The following CNTNAP2 variants were observed in gnomAD, a reference collection of about 807,000 sequenced individuals.
CNTNAP2 encodes contactin associated protein 2, also known as contactin-associated protein-like 2.
CNTNAP2 carries 98 observed loss-of-function variants against 155.2 expected under a neutral mutation model. That is an observed-to-expected ratio of 0.63 (90% CI 0.54 to 0.75). CNTNAP2 has a LOEUF of 0.75. Among genes scored for constraint, CNTNAP2 ranks in the 30% least tolerant of loss-of-function variants. The probability of loss-of-function intolerance (pLI) is 0.00; values close to 1 mark genes in which losing one functional copy is unlikely to be tolerated. For missense variants in CNTNAP2, 1,727 were observed against 1,688.1 expected, an observed-to-expected ratio of 1.02 and a Z score of -0.40; for synonymous variants, 651 against 631.2, an observed-to-expected ratio of 1.03 and a Z score of -0.47.
intron 13 of CNTNAP2, among the ~76,000 whole-genome samples, chr7:147,706,483 T>C (rs1796318789): frequency 6.6e-6 from 1 of 152,160 alleles, no homozygotes; most frequent in Non-Finnish European, 1.5e-5. Context: ...AGGTTTCTGC[T>C]GAGAGATTCA....
intron 3 of CNTNAP2, among the ~76,000 whole-genome samples, chr7:147,008,231 C>T (rs549466335): frequency 1.3e-5 from 2 of 152,070 alleles, no homozygotes; most frequent in African/African-American, 4.8e-5. Flanking sequence ...ATTGAATGAC[C>T]TACTCAAGGA....
intron 12 of CNTNAP2, among the ~76,000 whole-genome samples, chr7:147,608,717 G>T (rs568081209): frequency 1.3e-5 from 2 of 152,206 alleles, no homozygotes; most frequent in Non-Finnish European, 2.9e-5. Flanking sequence ...ACTGTCACGC[G>T]TGTCTGTGTG....
At chr7:146,199,690 A>G (rs534955950) in intron 1 of CNTNAP2, among the ~76,000 whole-genome samples, 2 of 152,318 alleles carry the variant, frequency 1.3e-5, no homozygotes, top group African/African-American at 4.8e-5. Flanking sequence ...CCACCTTTTA[A>G]AGGGTGTCGA....
chr7:146,756,384 A>G (rs1042546273), intron 1 of CNTNAP2, among the ~76,000 whole-genome samples: 1 of 151,978 alleles, frequency 6.6e-6, no homozygotes, highest in Admixed American at 6.6e-5. Context: ...GCTTGATAAC[A>G]TTATCTTCTG....
At chr7:146,247,142 T>A (rs1243180599) in intron 1 of CNTNAP2, among the ~76,000 whole-genome samples, 5 of 152,136 alleles carry the variant, frequency 3.3e-5, no homozygotes, top group Admixed American at 6.5e-5. Context: ...CTGTAAAGTG[T>A]CTCAGGGTTG....
intron 13 of CNTNAP2, among the ~76,000 whole-genome samples, chr7:147,746,510 C>T (rs915857516): frequency 6.6e-6 from 1 of 152,114 alleles, no homozygotes; most frequent in African/African-American, 2.4e-5. Context: ...TCCCTACCTG[C>T]TACCTTTCTC....
chr7:146,947,398 CTCTCTCTCTCTCTATA>C (rs1313337155), intron 3 of CNTNAP2, among the ~76,000 whole-genome samples: 5 of 130,532 alleles, frequency 3.8e-5, no homozygotes, highest in African/African-American at 1.2e-4. Context: ...CTCTCTCTCT[CTCTCTCTCTCTCTATA>C]TATATATATA....
intron 3 of CNTNAP2, among the ~76,000 whole-genome samples, chr7:146,889,038 G>A (rs1795728147): frequency 6.6e-6 from 1 of 151,816 alleles, no homozygotes; most frequent in African/African-American, 2.4e-5. Flanking sequence ...ATAATAGAGT[G>A]GGAGGAAACA....
chr7:146,553,967 A>C (rs1037982118), intron 1 of CNTNAP2, among the ~76,000 whole-genome samples: 9 of 152,156 alleles, frequency 5.9e-5, no homozygotes, highest in African/African-American at 2.2e-4. Context: ...TTTGGTTGAA[A>C]TAAATACTTG....
intron 1 of CNTNAP2, among the ~76,000 whole-genome samples, chr7:146,190,632 A>G (rs1237751444): frequency 6.6e-6 from 1 of 152,222 alleles, no homozygotes; most frequent in African/African-American, 2.4e-5. Context: ...TTTGGTAAAG[A>G]AACACATAAG....
intron 8 of CNTNAP2, among the ~76,000 whole-genome samples, chr7:147,147,971 C>G (rs1456769264): frequency 1.3e-5 from 2 of 152,156 alleles, no homozygotes; most frequent in Admixed American, 1.3e-4. Context: ...CAGAGTCTTT[C>G]ATTTTGGGTA....
intron 13 of CNTNAP2, among the ~76,000 whole-genome samples, chr7:147,840,952 A>G (rs756584947): frequency 1.3e-5 from 2 of 152,206 alleles, no homozygotes; most frequent in Non-Finnish European, 2.9e-5. Context: ...TTGGTTAAGC[A>G]TAATCTAGGT....
intron 1 of CNTNAP2, among the ~76,000 whole-genome samples, chr7:146,164,400 G>A (rs1798280061): frequency 1.3e-5 from 2 of 152,154 alleles, no homozygotes; most frequent in African/African-American, 4.8e-5. Context: ...AGGGAAGGCA[G>A]TGTGTATTTA....
intron 11 of CNTNAP2, among the ~76,000 whole-genome samples, chr7:147,494,519 T>G (rs1274808747): frequency 6.9e-6 from 1 of 145,832 alleles, no homozygotes; most frequent in Non-Finnish European, 1.5e-5. Flanking sequence ...AAAAGCAGTG[T>G]GCTGTAAAGA....
At chr7:147,627,890 T>G (rs77151866) in intron 12 of CNTNAP2, among the ~76,000 whole-genome samples, 3,175 of 149,386 alleles carry the variant, frequency 0.021, 233 homozygotes, top group Admixed American at 0.15. Flanking sequence ...ATTTTGGAGC[T>G]CAAAGACAAG....
chr7:146,251,124 CAG>C (rs1799749703), intron 1 of CNTNAP2, among the ~76,000 whole-genome samples: 1 of 152,014 alleles, frequency 6.6e-6, no homozygotes, highest in Non-Finnish European at 1.5e-5. Context: ...GCAGATTACA[CAG>C]AATAAAAACA....
chr7:146,193,638 A>G (rs1798738322), intron 1 of CNTNAP2, among the ~76,000 whole-genome samples: 1 of 152,202 alleles, frequency 6.6e-6, no homozygotes, highest in African/African-American at 2.4e-5. Flanking sequence ...TTCCTAGGCC[A>G]CTGTGCCTGT....
chr7:147,990,336 C>A (rs533821101), intron 15 of CNTNAP2, among the ~76,000 whole-genome samples: 2 of 152,130 alleles, frequency 1.3e-5, no homozygotes, highest in Non-Finnish European at 2.9e-5. Flanking sequence ...GAGAACAAAC[C>A]TAAGAGGGGC....
At chr7:146,532,168 C>G (rs541616864) in intron 1 of CNTNAP2, among the ~76,000 whole-genome samples, 2 of 152,154 alleles carry the variant, frequency 1.3e-5, no homozygotes, top group East Asian at 3.9e-4. Flanking sequence ...TACTTTGATT[C>G]CTTCTTAACA....
Sources: allele counts gnomAD v4.1 joint callset (sites outside exome capture counted in the v4.1 genomes callset), GRCh38; gene constraint gnomAD v4.1.1; transcripts MANE v1.5; gene names NCBI Gene and HGNC (gene_info 2026-07-23, HGNC 2026-07-21).